Variants in LCK observed in about 807,000 individuals in gnomAD.
LCK encodes tyrosine-protein kinase Lck.
LCK carries 14 observed loss-of-function variants against 64.6 expected under a neutral mutation model. The ratio of observed to expected loss-of-function variants is 0.22; its 90% CI spans 0.14 to 0.34. The LOEUF is 0.34. Ranked by LOEUF, LCK falls within the 10% of genes least tolerant of loss-of-function variation. LCK has a pLI of 1.00. For synonymous variants in LCK, 277 were observed against 263.6 expected, an observed-to-expected ratio of 1.05 and a Z score of -0.49; for missense variants, 434 against 668.1, an observed-to-expected ratio of 0.65 and a Z score of 3.86.
At chr1:32,268,148 C>T (rs1343788319) in intron 1 of LCK, among the ~76,000 whole-genome samples, 1 of 151,624 alleles carries the variant, frequency 6.6e-6, no homozygotes, top group Non-Finnish European at 1.5e-5. Flanking sequence ...GAGCTGAGAT[C>T]GCGCCACTGC....
In LCK at chr1:32,285,683, G is replaced by A. The variant is rs375587756; in HGVS notation, c.1497G>A (p.Thr499=). 5.5e-5 allele frequency: 89 copies of A among 1,609,350 alleles called. No individual in the cohort carries two copies. Among genetic ancestry groups the A allele is most frequent in the African/African-American group, 9.4e-5 (7 of 74,850 alleles). ...YLRSVLEDFF[T]ATEGQYQPQP is the part of the protein sequence containing the mutation. ...GCAGTGTGCTGGAGGACTTCTTCACGGCCACAGAGGGCCAGTACCAGCCTC... is the reference window on the plus strand; with the variant it reads ...GCAGTGTGCTGGAGGACTTCTTCACAGCCACAGAGGGCCAGTACCAGCCTC... Residue 499 remains threonine, a synonymous_variant, in exon 13 of 13, where the codon ACG becomes ACA. Transcript: ENST00000336890.
chr1:32,260,031 T>A (rs573125969), intron 1 of LCK, among the ~76,000 whole-genome samples: 14 of 151,928 alleles, frequency 9.2e-5, no homozygotes, highest in Admixed American at 4.6e-4. Context: ...TTTAATTTTA[T>A]TTTTATTTTT....
At chr1:32,280,350 C>T (rs1640414640) in intron 12 of LCK, 140 bp downstream of exon 12, 7 of 1,016,308 alleles carry the variant, frequency 6.9e-6, no homozygotes, top group Non-Finnish European at 9.9e-6. Context: ...TCCAACGTCC[C>T]CAGGCAGATG....
At chr1:32,280,021 GGGCCCTGCAGGGTCT>G in intron 11 of LCK, 27 bp downstream of exon 11, 1 of 1,613,936 alleles carries the variant, frequency 6.2e-7, no homozygotes, top group Non-Finnish European at 8.5e-7. Flanking sequence ...AGGGTGGTCT[GGGCCCTGCAGGGTCT>G]GGCCAAGCAG....
At chr1:32,253,349 G>A (rs374069565) in intron 1 of LCK, among the ~76,000 whole-genome samples, 119 of 152,228 alleles carry the variant, frequency 7.8e-4, no homozygotes, top group African/African-American at 2.7e-3. Context: ...GCAACAGAGC[G>A]AAACCCCATC....
chr1:32,274,424 G>A lies in LCK; in HGVS notation c.95G>A (p.Gly32Asp). The change falls in exon 2 of 13, where the codon GGC becomes GAC. Residue 32 changes from glycine (G) to aspartate (D), a missense_variant. Gly to Asp is a moderately conservative substitution (Grantham distance 94). Around this residue, in one of 2 missense-constraint regions of LCK, gnomAD observed 233 missense variants for 291.2 expected, o/e 0.80. Coordinates refer to ENST00000336890, the MANE Select transcript of LCK (RefSeq NM_005356.5). ...CATTATCCCATAGTCCCACTGGATG[G>A]CAAGGGCACGGTAAGAGGCGAGACA... ...NCHYPIVPLD[G>D]KGTLLIRNGS... 1 of 1,612,172 alleles carries A rather than the reference G, an allele frequency of 6.2e-7. No homozygotes were observed.
intron 9 of LCK, among the ~76,000 whole-genome samples, chr1:32,277,418 T>A (rs542599433): frequency 2.7e-4 from 41 of 151,876 alleles, no homozygotes; most frequent in Non-Finnish European, 3.4e-4. Context: ...AGCAAGTGGG[T>A]CCCTAGCCCT....
In LCK at chr1:32,275,777, G is replaced by A; in HGVS notation, c.481+105G>A. On this transcript the variant is annotated intron_variant, in intron 6 of 12. Transcript: ENST00000336890. The surrounding 1 kb of genome is among the most constrained non-coding windows in gnomAD (Gnocchi z 6.9). ...GGAGACACGGGGTGAGTCGGAGGGG[G>A]ACGCGGGATGAGCCCGAGGTGGGGG... 2.1e-6 allele frequency: 3 copies of A among 1,401,104 alleles called. No homozygotes were observed. Among genetic ancestry groups the A allele is most frequent in the Non-Finnish European group, 2.9e-6 (3 of 1,031,102 alleles). The allele number at this position is 1,401,104 out of a possible 1,614,324, so 86.8% of individuals were successfully genotyped here. A position where few individuals can be genotyped will look rare whatever the true frequency, so the allele number is the denominator to read the frequency against.
At chr1:32,265,907 A>G (rs1639895389) in intron 1 of LCK, among the ~76,000 whole-genome samples, 1 of 151,930 alleles carries the variant, frequency 6.6e-6, no homozygotes, top group Admixed American at 6.6e-5. Flanking sequence ...ACTCTTGGCA[A>G]TTCTCCTGCC....
At chr1:32,277,043 C>G (rs992307502) in intron 9 of LCK, 8 of 246,056 alleles carry the variant, frequency 3.3e-5, no homozygotes, top group Non-Finnish European at 6.3e-5. Flanking sequence ...AACTCTGTCT[C>G]TACTAAAAAT....
At chr1:32,262,887 A>G (rs1182806632) in intron 1 of LCK, among the ~76,000 whole-genome samples, 2 of 150,764 alleles carry the variant, frequency 1.3e-5, no homozygotes, top group African/African-American at 4.9e-5. Context: ...AAAAAAAAAA[A>G]CAGATGAAAG....
chr1:32,267,157 A>G (rs1046632552), intron 1 of LCK, among the ~76,000 whole-genome samples: 8 of 151,520 alleles, frequency 5.3e-5, no homozygotes, highest in Admixed American at 4.6e-4. Context: ...GTTGCTAATT[A>G]CTCTCAGGCT....
Position 32,276,751 on chromosome 1 carries a change from A to G in LCK, c.929A>G (p.Glu310Gly). The stretch of plus-strand genomic sequence containing the variant: ...CGGCTCTACGCTGTGGTCACCCAGG[A>G]GCCCATCTACATCATCACTGAATAC... ...LVRLYAVVTQ[E>G]PIYIITEYME... is the part of the protein sequence containing the mutation. Residue 310 changes from glutamate (E) to glycine (G), a missense_variant, in exon 9 of 13, where the codon GAG becomes GGG. Transcript: ENST00000336890. This position sits in a 1 kb window ranked among gnomAD's most constrained non-coding sequence, Gnocchi z 4.6. 1 of 1,612,912 alleles carries G rather than the reference A, an allele frequency of 6.2e-7. No homozygotes were observed. Among genetic ancestry groups the G allele is most frequent in the Non-Finnish European group, 8.5e-7 (1 of 1,179,370 alleles).
At chr1:32,253,342 A>G (rs986116171) in intron 1 of LCK, among the ~76,000 whole-genome samples, 5 of 152,176 alleles carry the variant, frequency 3.3e-5, no homozygotes, top group African/African-American at 4.8e-5. Flanking sequence ...AGCCTAGGCA[A>G]CAGAGCGAAA....
chr1:32,259,299 A>AAAG (rs10696286), intron 1 of LCK, among the ~76,000 whole-genome samples: 7 of 150,156 alleles, frequency 4.7e-5, no homozygotes, highest in African/African-American at 1.7e-4. Context: ...TAAAAAAAAA[A>AAAG]AAAGAAAAAG....
chr1:32,254,886 C>T (rs1269493067), intron 1 of LCK, among the ~76,000 whole-genome samples: 2 of 152,074 alleles, frequency 1.3e-5, no homozygotes, highest in Non-Finnish European at 2.9e-5. Context: ...CAGTGGCTCG[C>T]ACCTGTAATC....
Position 32,251,932 on chromosome 1 carries a change from G to GAC in LCK, c.-6+562_-6+563insCA, listed in dbSNP as rs1557566146. 1.3e-5 allele frequency among the ~76,000 whole-genome samples: 2 copies of GAC among 149,696 alleles called. No individual in the cohort carries two copies. The highest frequency in any genetic ancestry group is 5.0e-5 in the African/African-American group (2 of 40,170). On this transcript the variant is annotated intron_variant, in intron 1 of 12. Transcript: ENST00000336890. The surrounding 1 kb of genome is among the most constrained non-coding windows in gnomAD (Gnocchi z 4.0). ...AGAGAGAGAGAGAGAGAGAGAGAGA[G>GAC]AGAGACAGAGATCACCCAAGGCATC...
In LCK at chr1:32,276,737, TG is replaced by T; in HGVS notation, c.916del (p.Val306TrpfsTer19). ...QHQRLVRLYA[V>X]VTQEPIYIIT... The stretch of plus-strand genomic sequence containing the variant: ...ACCAGCGGCTGGTTCGGCTCTACGC[TG>T]TGGTCACCCAGGAGCCCATCTACAT... On this transcript the variant is annotated frameshift_variant, in exon 9 of 13. Transcript: ENST00000336890. LOFTEE classifies it high-confidence loss of function. This position sits in a 1 kb window ranked among gnomAD's most constrained non-coding sequence, Gnocchi z 4.6. 6.2e-7 allele frequency: 1 copy of T among 1,613,718 alleles called. No individual in the cohort carries two copies. The highest frequency in any genetic ancestry group is 8.5e-7 in the Non-Finnish European group (1 of 1,179,818).
chr1:32,254,847 G>C (rs899359269), intron 1 of LCK, among the ~76,000 whole-genome samples: 12 of 152,000 alleles, frequency 7.9e-5, no homozygotes, highest in African/African-American at 2.9e-4. Flanking sequence ...GCACATTGCT[G>C]TTTTAAAAAC....
Sources: allele counts gnomAD v4.1 joint callset (sites outside exome capture counted in the v4.1 genomes callset), GRCh38; gene constraint gnomAD v4.1.1; regional missense constraint gnomAD v4.1.1; non-coding constraint Gnocchi (gnomAD v3.1); transcripts MANE v1.5; gene names NCBI Gene and HGNC (gene_info 2026-07-23, HGNC 2026-07-21).